PCNX1: variants seen among roughly 807,000 people sequenced by gnomAD.
PCNX1 encodes pecanex-like protein 1.
A neutral mutation model predicts 242.2 loss-of-function variants in PCNX1; 78 were observed. The ratio of observed to expected loss-of-function variants is 0.32; its 90% CI spans 0.27 to 0.39. The LOEUF (loss-of-function observed/expected upper bound fraction) is 0.39, where lower values mean the gene tolerates loss of function less well. Among genes scored for constraint, PCNX1 ranks in the 10% least tolerant of loss-of-function variants. PCNX1 has a pLI of 1.00. For synonymous variants in PCNX1, 1,024 were observed against 1,032.9 expected (o/e 0.99, Z 0.17); for missense variants, 2,581 against 2,856.5 (o/e 0.90, Z 2.20).
chr14:71,071,903 G>C (rs867877328), intron 26 of PCNX1, among the ~76,000 whole-genome samples: 1 of 152,136 alleles, frequency 6.6e-6, no homozygotes, highest in Non-Finnish European at 1.5e-5. Context: ...TATGTCTTAG[G>C]GAATGGGAAG....
At chr14:70,956,048 A>G (rs964480621) in intron 2 of PCNX1, among the ~76,000 whole-genome samples, 2 of 152,006 alleles carry the variant, frequency 1.3e-5, no homozygotes, top group African/African-American at 4.8e-5. Flanking sequence ...TGGTTGTCAC[A>G]CTGAGGGGCT....
At chr14:71,057,758 A>G (rs1213957186) in intron 26 of PCNX1, 34 bp downstream of exon 26, 1 of 1,403,600 alleles carries the variant, frequency 7.1e-7, no homozygotes, top group African/African-American at 1.4e-5. Context: ...TTTCTGTAGC[A>G]TACTCCTGTG....
intron 28 of PCNX1, among the ~76,000 whole-genome samples, chr14:71,080,220 C>G (rs1393883640): frequency 6.6e-6 from 1 of 152,078 alleles, no homozygotes; most frequent in South Asian, 2.1e-4. Flanking sequence ...CTGTTCTGTT[C>G]CATTGATCTA....
intron 19 of PCNX1, among the ~76,000 whole-genome samples, chr14:71,038,635 T>C (rs1384299425): frequency 6.6e-6 from 1 of 150,680 alleles, no homozygotes; most frequent in African/African-American, 2.4e-5. Flanking sequence ...GACTGTAAAC[T>C]AGTTCAACCA....
chr14:71,037,501 G>C (rs2060575739), intron 19 of PCNX1, among the ~76,000 whole-genome samples: 1 of 151,254 alleles, frequency 6.6e-6, no homozygotes, highest in South Asian at 2.1e-4. Context: ...AGCATGAAGG[G>C]TTGTTGAATT....
chr14:71,006,527 T>C (rs1311683197), intron 8 of PCNX1, among the ~76,000 whole-genome samples: 1 of 152,206 alleles, frequency 6.6e-6, no homozygotes, highest in Non-Finnish European at 1.5e-5. Context: ...TTTGCTCTGC[T>C]TTCTACTCTG....
At chr14:70,950,489 T>C (rs572315240) in intron 2 of PCNX1, among the ~76,000 whole-genome samples, 2 of 152,178 alleles carry the variant, frequency 1.3e-5, no homozygotes, top group Non-Finnish European at 2.9e-5. Context: ...TGTTCTATCA[T>C]AGTTTTTCAG....
chr14:71,085,149 C>T (rs775175912), intron 28 of PCNX1, among the ~76,000 whole-genome samples: 2 of 152,194 alleles, frequency 1.3e-5, no homozygotes, highest in African/African-American at 4.8e-5. Flanking sequence ...CACCCTGCTT[C>T]GGCTTGCCCT....
rs573748988 is a variant in PCNX1, at chr14:70,992,128, G to A, written c.2444+3429G>A. 1.7e-3 allele frequency among the ~76,000 whole-genome samples: 265 copies of A among 151,998 alleles called. 2 individuals are homozygous for A. The highest frequency in any genetic ancestry group is 5.8e-3 in the African/African-American group (240 of 41,498). ...TGTTGGCCTTTGCTAATTCTTCCCA[G>A]TTAGTAGGCCTAAAAAAGACAAATA... is the stretch of plus-strand genomic sequence containing the variant. On this transcript the variant is annotated intron_variant, in intron 7 of 35. Coordinates refer to ENST00000304743, the MANE Select transcript of PCNX1 (RefSeq NM_014982.3).
chr14:71,028,914 C>T, intron 16 of PCNX1, 123 bp downstream of exon 16: 1 of 539,132 alleles, frequency 1.9e-6, no homozygotes, highest in Non-Finnish European at 3.2e-6. Flanking sequence ...TCATGGTCTT[C>T]ATATGTTAAA....
chr14:70,926,975 A>T (rs767468646), intron 1 of PCNX1, among the ~76,000 whole-genome samples: 13 of 152,214 alleles, frequency 8.5e-5, no homozygotes, highest in Non-Finnish European at 1.6e-4. Flanking sequence ...CTGTGGAGTC[A>T]GACTGGGTAT....
chr14:70,948,816 ATTTT>A (rs897472371), intron 2 of PCNX1, among the ~76,000 whole-genome samples: 1 of 146,806 alleles, frequency 6.8e-6, no homozygotes, highest in Non-Finnish European at 1.5e-5. Flanking sequence ...ATCAGCATTT[ATTTT>A]TATTTACTCG....
chr14:71,041,796 T>C (rs2060714013), intron 19 of PCNX1, among the ~76,000 whole-genome samples: 1 of 114,230 alleles, frequency 8.8e-6, no homozygotes, highest in Non-Finnish European at 1.7e-5. Context: ...TACTATACTA[T>C]ACTATACTAT....
At chr14:71,103,298 CATA>C (rs1442923724) in intron 31 of PCNX1, 94 bp from the exon 32 acceptor site, 2 of 1,323,988 alleles carry the variant, frequency 1.5e-6, no homozygotes, top group Admixed American at 2.0e-5. Flanking sequence ...AACTGGTTAT[CATA>C]ATATCTTTTG....
At chr14:71,079,577 G>C (rs1404062968) in intron 28 of PCNX1, among the ~76,000 whole-genome samples, 1 of 152,040 alleles carries the variant, frequency 6.6e-6, no homozygotes, top group African/African-American at 2.4e-5. Context: ...CCATTCTAAC[G>C]GGAGTGAGAT....
chr14:70,964,866 G>A (rs1016358112), intron 3 of PCNX1, among the ~76,000 whole-genome samples: 2 of 152,072 alleles, frequency 1.3e-5, no homozygotes, highest in Non-Finnish European at 2.9e-5. Flanking sequence ...TAGTGTTTTC[G>A]TTTTATACTG....
chr14:71,054,777 G>A (rs1264427349), intron 24 of PCNX1, among the ~76,000 whole-genome samples: 1 of 152,164 alleles, frequency 6.6e-6, no homozygotes, highest in East Asian at 1.9e-4. Context: ...GCCATACAGA[G>A]TATTAAAAAG....
intron 1 of PCNX1, among the ~76,000 whole-genome samples, chr14:70,942,118 T>C (rs1291314384): frequency 6.6e-6 from 1 of 152,054 alleles, no homozygotes; most frequent in East Asian, 1.9e-4. Flanking sequence ...GCTTACACTC[T>C]GTGGGCTGTA....
intron 7 of PCNX1, among the ~76,000 whole-genome samples, chr14:70,992,742 A>G (rs890584104): frequency 6.6e-6 from 1 of 152,214 alleles, no homozygotes; most frequent in African/African-American, 2.4e-5. Context: ...AATAGTTGCT[A>G]CCCTTACTCA....
Sources: allele counts gnomAD v4.1 joint callset (sites outside exome capture counted in the v4.1 genomes callset), GRCh38; gene constraint gnomAD v4.1.1; transcripts MANE v1.5; gene names NCBI Gene and HGNC (gene_info 2026-07-23, HGNC 2026-07-21).